Variants in TNXB observed in about 807,000 individuals in gnomAD.
TNXB encodes tenascin-X.
In TNXB, 183 loss-of-function variants were observed where a neutral mutation model predicts 340.5. That is an observed-to-expected ratio of 0.54 (90% CI 0.48 to 0.61). TNXB has a LOEUF of 0.61. Ranked by LOEUF, TNXB falls within the 20% of genes least tolerant of loss-of-function variation. The probability of loss-of-function intolerance (pLI) is 0.00; values close to 1 mark genes in which losing one functional copy is unlikely to be tolerated. For missense variants in TNXB, 4,613 were observed against 5,446.4 expected, an observed-to-expected ratio of 0.85 and a Z score of 4.82; for synonymous variants, 2,121 against 2,314.5, an observed-to-expected ratio of 0.92 and a Z score of 2.40.
chr6:32,056,440 C>G, intron 23 of TNXB, 146 bp downstream of exon 23: 1 of 1,395,346 alleles, frequency 7.2e-7, no homozygotes, highest in South Asian at 1.4e-5. Context: ...GGGTCAGCCT[C>G]AGAGGAAGGC....
At chr6:32,065,838 C>T (rs1230553843) in intron 18 of TNXB, among the ~76,000 whole-genome samples, 1 of 151,888 alleles carries the variant, frequency 6.6e-6, no homozygotes, top group Non-Finnish European at 1.5e-5. Flanking sequence ...TTAGTAGAGA[C>T]GGGGTTTCAC....
intron 6 of TNXB, among the ~76,000 whole-genome samples, chr6:32,086,440 G>A (rs1443738718): frequency 7.9e-5 from 12 of 152,204 alleles, no homozygotes; most frequent in Non-Finnish European, 1.6e-4. Flanking sequence ...CCCCCCCACT[G>A]GGTGGTGGTC....
At position 32,052,727 on chromosome 6, in the gene TNXB, G is replaced by A. The variant is rs1445072386; in HGVS notation, c.9058C>T (p.Leu3020=). 6.2e-7 allele frequency: 1 copy of A among 1,613,662 alleles called. No individual in the cohort carries two copies. The highest frequency in any genetic ancestry group is 1.3e-5 in the African/African-American group (1 of 74,910). The change falls in exon 26 of 44, where the codon CTG becomes TTG. Residue 3020 remains leucine (L), a synonymous_variant. Transcript: ENST00000644971. This position sits in a 1 kb window ranked among gnomAD's most constrained non-coding sequence, Gnocchi z 4.7. ...CGCTGCCCCTCGTGGAGGCCGTACA[G>A]GTGCATCTTGTATTTGCACCCGGGC... The part of the protein sequence containing the change: ...LEPGCKYKMH[L]YGLHEGQRVG...
rs1411215315 is a variant in TNXB, at chr6:32,070,745, C to T, written c.4991-331G>A. 1.3e-5 allele frequency among the ~76,000 whole-genome samples: 2 copies of T among 152,214 alleles called. No homozygotes were observed. The highest frequency in any genetic ancestry group is 2.4e-5 in the African/African-American group (1 of 41,462). ...CTTCTTACAGACTGGGTCTCTATCT[C>T]CTCTTACCCAGGAGCACACGATTTG... On this transcript the variant is annotated intron_variant, in intron 13 of 43. Transcript: ENST00000644971. This position sits in a 1 kb window ranked among gnomAD's most constrained non-coding sequence, Gnocchi z 6.0.
chr6:32,102,436 T>C (rs1780765263), intron 1 of TNXB, among the ~76,000 whole-genome samples: 1 of 152,196 alleles, frequency 6.6e-6, no homozygotes, highest in Non-Finnish European at 1.5e-5. Flanking sequence ...TACAATGGAA[T>C]ACTATACAGC....
rs1292395302 is a variant in TNXB, at chr6:32,061,359, G to C, written c.7492+38C>G. ...CAGCAGTAAACCAGGTACCCATGAGGGAAAGGTGGTTACCCCGAGACTCCA... is the reference window on the plus strand; with the variant it reads ...CAGCAGTAAACCAGGTACCCATGAGCGAAAGGTGGTTACCCCGAGACTCCA... On this transcript the variant is annotated intron_variant, in intron 21 of 43. Coordinates refer to ENST00000644971, the MANE Select transcript of TNXB (RefSeq NM_001365276.2). This position sits in a 1 kb window ranked among gnomAD's most constrained non-coding sequence, Gnocchi z 4.4. The C allele has an allele frequency of 6.3e-7, 1 of 1,599,186 alleles. No homozygotes were observed. Among genetic ancestry groups the C allele is most frequent in the South Asian group, 1.1e-5 (1 of 90,552 alleles).
rs1780292801 is a variant in TNXB at position 32,095,712 on chromosome 6, C to G, written c.2141G>C (p.Cys714Ser). The G allele has an allele frequency of 6.8e-6, 11 of 1,614,032 alleles. No individual in the cohort carries two copies. Among genetic ancestry groups the G allele is most frequent in the Non-Finnish European group, 9.3e-6 (11 of 1,179,880 alleles). ...GTCCCCTGGGCATGTCTGGATGGCACAGTCAGGGCCTCGGAAGCCCTCTAC... is the reference window on the plus strand; with the variant it reads ...GTCCCCTGGGCATGTCTGGATGGCAGAGTCAGGGCCTCGGAAGCCCTCTAC... Reference protein sequence around the residue: ...VCVEGFRGPDCAIQTCPGDCR... With the variant: ...VCVEGFRGPDSAIQTCPGDCR... Residue 714 changes from cysteine to serine, a missense_variant, in exon 3 of 44, where the codon TGT becomes TCT. Cys to Ser is a moderately radical substitution (Grantham distance 112, BLOSUM62 -1). This residue lies in a region of TNXB where 4,327 missense variants were observed against 4,859.4 expected (regional missense o/e 0.89). Coordinates refer to ENST00000644971, the MANE Select transcript of TNXB (RefSeq NM_001365276.2).
chr6:32,095,522 T>C, intron 3 of TNXB, 89 bp downstream of exon 3: 1 of 1,499,744 alleles, frequency 6.7e-7, no homozygotes, highest in South Asian at 1.3e-5. Flanking sequence ...ATGCTCTCCC[T>C]CCACTCTTCC....
Position 32,058,724 on chromosome 6 carries a change from G to A in TNXB, c.7493-334C>T, listed in dbSNP as rs1352206675. 6.6e-6 allele frequency among the ~76,000 whole-genome samples: 1 copy of A among 151,882 alleles called. No individual in the cohort carries two copies. Among genetic ancestry groups the A allele is most frequent in the African/African-American group, 2.4e-5 (1 of 41,112 alleles). On this transcript the variant is annotated intron_variant, in intron 21 of 43. Coordinates refer to ENST00000644971, the MANE Select transcript of TNXB (RefSeq NM_001365276.2). The surrounding 1 kb of genome is among the most constrained non-coding windows in gnomAD (Gnocchi z 5.1). Reference sequence around the variant, plus strand: ...AAGAAAATTATTAAAGCAGGAAAAAGTTATAGCATGGAAGAACTCACGATG... The same window carrying A: ...AAGAAAATTATTAAAGCAGGAAAAAATTATAGCATGGAAGAACTCACGATG...
At chr6:32,053,804 G>A in intron 24 of TNXB, 93 bp from the exon 25 acceptor site, 1 of 1,431,690 alleles carries the variant, frequency 7.0e-7, no homozygotes, top group East Asian at 2.3e-5. Context: ...CCAAGAGCAG[G>A]ACGATGCTGC....
Position 32,062,092 on chromosome 6 carries a change from T to C in TNXB, c.7168+65A>G. On this transcript the variant is annotated intron_variant, in intron 20 of 43. Coordinates refer to ENST00000644971, the MANE Select transcript of TNXB (RefSeq NM_001365276.2). This position sits in a 1 kb window ranked among gnomAD's most constrained non-coding sequence, Gnocchi z 4.3. ...GACCCGTCCCATTCCCCACCAGTCATCACCAAAGAGCAAGAGGGTGACCCT... is the reference window on the plus strand; with the variant it reads ...GACCCGTCCCATTCCCCACCAGTCACCACCAAAGAGCAAGAGGGTGACCCT... 1.3e-6 allele frequency: 2 copies of C among 1,536,412 alleles called. No homozygotes were observed. Among genetic ancestry groups the C allele is most frequent in the South Asian group, 2.5e-5 (2 of 80,120 alleles).
chr6:32,052,295 G>T lies in TNXB; in HGVS notation c.9115+375C>A, dbSNP rs1777327101. Among the ~76,000 whole-genome samples, 2 of 151,952 alleles carry T rather than the reference G, an allele frequency of 1.3e-5. No individual in the cohort carries two copies. The highest frequency in any genetic ancestry group is 2.1e-4 in the South Asian group (1 of 4,814). ...TGAAACCCATCTCTACTAAAAATAT[G>T]AAAAAATTAGCTGGGCGTGGTGGCG... On this transcript the variant is annotated intron_variant, in intron 26 of 43. Coordinates refer to ENST00000644971, the MANE Select transcript of TNXB (RefSeq NM_001365276.2). This position sits in a 1 kb window ranked among gnomAD's most constrained non-coding sequence, Gnocchi z 4.7.
chr6:32,085,122 C>T lies in TNXB; in HGVS notation c.3149-413G>A, dbSNP rs1414838195. On this transcript the variant is annotated intron_variant, in intron 7 of 43. Transcript: ENST00000644971. This position sits in a 1 kb window ranked among gnomAD's most constrained non-coding sequence, Gnocchi z 6.4. ...TGGAGCTGGGGGATGAGTCAGCCAC[C>T]CTGGTCCCACAGAGAGGAACAAAGA... Among the ~76,000 whole-genome samples the T allele has an allele frequency of 1.3e-5, 2 of 152,106 alleles. No individual in the cohort carries two copies. Among genetic ancestry groups the T allele is most frequent in the Non-Finnish European group, 2.9e-5 (2 of 68,030 alleles).
Position 32,079,194 on chromosome 6 carries a change from T to A in TNXB, c.4214A>T (p.Gln1405Leu). Residue 1405 changes from glutamine (Q) to leucine (L), a missense_variant, in exon 11 of 44, where the codon CAG becomes CTG. By Grantham distance (113) the Gln-to-Leu change is moderately radical. Around this residue, in one of 7 missense-constraint regions of TNXB, gnomAD observed 4,327 missense variants for 4,859.4 expected, o/e 0.89. Coordinates refer to ENST00000644971, the MANE Select transcript of TNXB (RefSeq NM_001365276.2). The surrounding 1 kb of genome is among the most constrained non-coding windows in gnomAD (Gnocchi z 7.1). ...PQGSFDSFTV[Q>L]YKDRDGRPRA... ...GGGCCGCCCATCCCTGTCCTTGTAC[T>A]GCACGGTGAAAGAGTCGAAGCTGCC... 1.2e-6 allele frequency: 2 copies of A among 1,613,894 alleles called. No homozygotes were observed. The highest frequency in any genetic ancestry group is 1.7e-6 in the Non-Finnish European group (2 of 1,179,884).
rs750690338 is a variant in TNXB at position 32,070,090 on chromosome 6, G to A, written c.5278+37C>T. Reference sequence around the variant, plus strand: ...GTGACCGTCTGCTGCTTGGCCTGAGGGGAGCAGAGCAGGGACCTGCAGGGA... The same window carrying A: ...GTGACCGTCTGCTGCTTGGCCTGAGAGGAGCAGAGCAGGGACCTGCAGGGA... On this transcript the variant is annotated intron_variant, in intron 14 of 43. Transcript: ENST00000644971. This position sits in a 1 kb window ranked among gnomAD's most constrained non-coding sequence, Gnocchi z 6.0. The A allele has an allele frequency of 2.0e-6, 3 of 1,508,016 alleles. No homozygotes were observed. Among genetic ancestry groups the A allele is most frequent in the Admixed American group, 2.2e-5 (1 of 46,260 alleles). The allele number at this position is 1,508,016 out of a possible 1,614,324, so 93.4% of individuals were successfully genotyped here.
At chr6:32,102,095 T>C (rs931466054) in intron 1 of TNXB, among the ~76,000 whole-genome samples, 5 of 152,156 alleles carry the variant, frequency 3.3e-5, no homozygotes, top group Admixed American at 2.0e-4. Flanking sequence ...CACAATAAGA[T>C]GCCACTAAAT....
chr6:32,064,876 C>T lies in TNXB; in HGVS notation c.6786G>A (p.Leu2262=), dbSNP rs530368633. 1 of 1,612,522 alleles carries T rather than the reference C, an allele frequency of 6.2e-7. No homozygotes were observed. Among genetic ancestry groups the T allele is most frequent in the South Asian group, 1.1e-5 (1 of 91,050 alleles). The change falls in exon 19 of 44, where the codon CTG becomes CTA. Residue 2262 remains leucine, a synonymous_variant. Transcript: ENST00000644971. The surrounding 1 kb of genome is among the most constrained non-coding windows in gnomAD (Gnocchi z 5.3). ...LEPDHKYKMN[L]YGFHGGQRVG... ...CGCGCTGGCCACCGTGGAAGCCGTA[C>T]AGGTTCATCTTGTACTTGTGGTCTG...
Position 32,083,143 on chromosome 6 carries a change from A to G in TNXB, c.3446-817T>C, listed in dbSNP as rs1391940149. Among the ~76,000 whole-genome samples the G allele has an allele frequency of 6.6e-6, 1 of 152,024 alleles. No homozygotes were observed. Among genetic ancestry groups the G allele is most frequent in the Non-Finnish European group, 1.5e-5 (1 of 67,996 alleles). On this transcript the variant is annotated intron_variant, in intron 8 of 43. Coordinates refer to ENST00000644971, the MANE Select transcript of TNXB (RefSeq NM_001365276.2). This position sits in a 1 kb window ranked among gnomAD's most constrained non-coding sequence, Gnocchi z 4.6. ...GTGGACGCTCCGTAGCCCTTGAATCACTGTTCCGGAATCTGACAAGTCCAA... is the reference window on the plus strand; with the variant it reads ...GTGGACGCTCCGTAGCCCTTGAATCGCTGTTCCGGAATCTGACAAGTCCAA...
In TNXB at chr6:32,097,130, G is replaced by A; in HGVS notation, c.723C>T (p.Gly241=). The A allele has an allele frequency of 6.2e-7, 1 of 1,605,016 alleles. No homozygotes were observed. The highest frequency in any genetic ancestry group is 8.5e-7 in the Non-Finnish European group (1 of 1,176,320). ...GVCVCRAGFS[G]PDCSQRSCPR... Reference sequence around the variant, plus strand: ...GGCAGGAGCGCTGGCTGCAGTCGGGGCCTGAGAAGCCTGCCCGGCACACAC... The same window carrying A: ...GGCAGGAGCGCTGGCTGCAGTCGGGACCTGAGAAGCCTGCCCGGCACACAC... The change falls in exon 3 of 44, where the codon GGC becomes GGT. Residue 241 remains glycine (G), a synonymous_variant. Coordinates refer to ENST00000644971, the MANE Select transcript of TNXB (RefSeq NM_001365276.2). This position sits in a 1 kb window ranked among gnomAD's most constrained non-coding sequence, Gnocchi z 5.9.
Sources: gnomAD v4.1 joint callset for allele counts (sites outside exome capture counted in the v4.1 genomes callset) on GRCh38, gnomAD v4.1.1 for gene constraint, gnomAD v4.1.1 regional missense constraint, Gnocchi (gnomAD v3.1) non-coding constraint, MANE v1.5 for transcripts, NCBI Gene and HGNC (gene_info 2026-07-23, HGNC 2026-07-21) for gene names.